DNAH12: variants seen among roughly 807,000 people sequenced by gnomAD.
DNAH12 encodes the protein dynein axonemal heavy chain 12, also known as axonemal beta dynein heavy chain 12.
Under a neutral mutation model 371.5 loss-of-function variants are expected in DNAH12, and 285 were observed. The observed-to-expected ratio is 0.77, with a 90% CI of 0.70 to 0.85. The LOEUF is 0.85. Ranked by LOEUF, DNAH12 falls within the 40% of genes least tolerant of loss-of-function variation. The pLI is 0.00. For missense variants in DNAH12, 3,611 were observed against 3,689.4 expected, an observed-to-expected ratio of 0.98 and a Z score of 0.55; for synonymous variants, 1,200 against 1,213.0, an observed-to-expected ratio of 0.99 and a Z score of 0.22.
At chr3:57,523,753 A>T in intron 3 of DNAH12, 50 bp downstream of exon 3, 1 of 1,505,506 alleles carries the variant, frequency 6.6e-7, no homozygotes, top group Non-Finnish European at 9.0e-7. Context: ...CTTAACTACA[A>T]ATTAAAATGA....
intron 11 of DNAH12, among the ~76,000 whole-genome samples, chr3:57,494,152 G>A (rs1051004077): frequency 2.0e-5 from 3 of 152,208 alleles, no homozygotes; most frequent in Admixed American, 2.0e-4. Flanking sequence ...AAGATTGCTT[G>A]AGCCAGGGAG....
chr3:57,511,068 T>C (rs1283092557), intron 4 of DNAH12, 89 bp from the exon 5 acceptor site: 3 of 911,828 alleles, frequency 3.3e-6, no homozygotes, highest in Non-Finnish European at 4.6e-6. Flanking sequence ...ACAACATTTT[T>C]TCAGATTAAA....
At chr3:57,463,065 C>T (rs1458661643) in intron 17 of DNAH12, among the ~76,000 whole-genome samples, 190 bp from the exon 18 acceptor site, 1 of 151,848 alleles carries the variant, frequency 6.6e-6, no homozygotes, top group Non-Finnish European at 1.5e-5. Context: ...CTAAAGTTCC[C>T]TGCAAAAATA....
chr3:57,412,371 G>A (rs138723899), intron 39 of DNAH12, among the ~76,000 whole-genome samples: 3 of 152,288 alleles, frequency 2.0e-5, no homozygotes, highest in African/African-American at 7.2e-5. Flanking sequence ...TAGCAAAGGA[G>A]TAAACCTAGT....
Position 57,446,169 on chromosome 3 carries a change from G to C in DNAH12, c.4041C>G (p.Cys1347Trp), listed in dbSNP as rs1206567236. The C allele has an allele frequency of 1.3e-6, 2 of 1,551,558 alleles. No individual in the cohort carries two copies. The highest frequency in any genetic ancestry group is 2.7e-5 in the African/African-American group (2 of 73,018). ...VLSVVAQQIL[C>W]IQRAIQQKLV... ...ACTTCTGTTGAATAGCTCTCTGAAT[G>C]CAAAGGATCTGTTGAGCTACCACTG... The change falls in exon 27 of 74, where the codon TGC becomes TGG. Residue 1347 changes from cysteine to tryptophan, a missense_variant. Physicochemically the swap from Cys to Trp is radical, Grantham distance 215. Around this residue, in one of 3 missense-constraint regions of DNAH12, gnomAD observed 2,266 missense variants for 2,236.9 expected, o/e 1.01. Transcript: ENST00000495027.
At chr3:57,355,010 G>A (rs1375617159) in intron 59 of DNAH12, among the ~76,000 whole-genome samples, 1 of 152,170 alleles carries the variant, frequency 6.6e-6, no homozygotes, top group African/African-American at 2.4e-5. Flanking sequence ...GCTATAAAAG[G>A]GGAACACAGA....
At chr3:57,297,835 C>G (rs543150757) in intron 70 of DNAH12, among the ~76,000 whole-genome samples, 1 of 152,132 alleles carries the variant, frequency 6.6e-6, no homozygotes, top group Non-Finnish European at 1.5e-5. Flanking sequence ...TTGGATCAGA[C>G]GTAGCATCTT....
At chr3:57,520,512 G>C (rs992916179) in intron 4 of DNAH12, among the ~76,000 whole-genome samples, 6 of 147,936 alleles carry the variant, frequency 4.1e-5, no homozygotes, top group Non-Finnish European at 5.9e-5. Context: ...GCACCATCTC[G>C]GCTCACTGCA....
rs2069429617 is a variant in DNAH12 at position 57,544,246 on chromosome 3, G to GAGAC, written c.-87_-84dup. The GAGAC allele has an allele frequency of 1.3e-5, 2 of 152,372 alleles. No individual in the cohort carries two copies. The highest frequency in any genetic ancestry group is 4.1e-4 in the South Asian group (2 of 4,828). 9.4% of individuals were successfully genotyped at this position (152,372 alleles called of 1,614,324 possible). On this transcript the variant is annotated 5_prime_UTR_variant, in exon 1 of 74. Transcript: ENST00000495027. ...GCTGCGCAGACGCCAGAGAGAGAGA[G>GAGAC]AGACAGTCAGAGCCTCTCCTCAGGT...
intron 13 of DNAH12, 31 bp from the exon 14 acceptor site, chr3:57,472,702 A>G: frequency 6.5e-7 from 1 of 1,533,602 alleles, no homozygotes. Flanking sequence ...ATAATATGTC[A>G]TATAGAAAAT....
intron 60 of DNAH12, among the ~76,000 whole-genome samples, chr3:57,351,287 CA>C: frequency 6.6e-6 from 1 of 151,902 alleles, no homozygotes; most frequent in East Asian, 1.9e-4. Context: ...AACAAACAAA[CA>C]AACAAAAAAC....
rs1266320541 is a variant in DNAH12, at chr3:57,461,656, T to A, written c.2569A>T (p.Ile857Leu). The change falls in exon 19 of 74, where the codon ATA becomes TTA. Residue 857 changes from isoleucine (I) to leucine (L), a missense_variant. Around this residue, in one of 3 missense-constraint regions of DNAH12, gnomAD observed 1,314 missense variants for 1,398.7 expected, o/e 0.94. Transcript: ENST00000495027. ...AAAGCAATATCTTCCCAAGTTCCTA[T>A]CATTGTATTCATGGCTTTCTCTAAT... is the stretch of plus-strand genomic sequence containing the variant. Reference protein sequence around the residue: ...FSLEKAMNTMIGTWEDIAFHI... With the variant: ...FSLEKAMNTMLGTWEDIAFHI... The A allele has an allele frequency of 4.5e-6, 7 of 1,551,054 alleles. No homozygotes were observed.
At chr3:57,364,728 G>A (rs2063009240) in intron 57 of DNAH12, among the ~76,000 whole-genome samples, 1 of 152,094 alleles carries the variant, frequency 6.6e-6, no homozygotes, top group South Asian at 2.1e-4. Context: ...CCTGACAAAG[G>A]TCTAATATCC....
At chr3:57,374,318 T>C (rs1297007000) in intron 55 of DNAH12, among the ~76,000 whole-genome samples, 1 of 152,166 alleles carries the variant, frequency 6.6e-6, no homozygotes, top group African/African-American at 2.4e-5. Flanking sequence ...ATCTGATAAA[T>C]CTAAGAGCTC....
chr3:57,452,642 A>G (rs1343600147), intron 25 of DNAH12, among the ~76,000 whole-genome samples: 2 of 152,218 alleles, frequency 1.3e-5, no homozygotes, highest in African/African-American at 4.8e-5. Context: ...CACAACTTTC[A>G]TACGATAAAG....
At chr3:57,364,231 A>G in intron 57 of DNAH12, among the ~76,000 whole-genome samples, 1 of 152,214 alleles carries the variant, frequency 6.6e-6, no homozygotes, top group Non-Finnish European at 1.5e-5. Context: ...AAACATTTAT[A>G]TCAAACAAAA....
intron 11 of DNAH12, among the ~76,000 whole-genome samples, chr3:57,494,881 T>C (rs1280754525): frequency 6.6e-6 from 1 of 151,900 alleles, no homozygotes; most frequent in Non-Finnish European, 1.5e-5. Context: ...TAGTGGCATA[T>C]GCCTGTATTC....
chr3:57,308,597 A>T (rs1292882695), intron 69 of DNAH12, among the ~76,000 whole-genome samples: 2 of 151,868 alleles, frequency 1.3e-5, no homozygotes, highest in Non-Finnish European at 2.9e-5. Flanking sequence ...ACTCCTATTC[A>T]CCATTCTCAA....
chr3:57,432,649 G>T (rs2064992132), intron 32 of DNAH12, among the ~76,000 whole-genome samples: 1 of 151,850 alleles, frequency 6.6e-6, no homozygotes. Flanking sequence ...CACATATATT[G>T]ATTTAAAAAA....
Sources: gnomAD v4.1 joint callset for allele counts (sites outside exome capture counted in the v4.1 genomes callset) on GRCh38, gnomAD v4.1.1 for gene constraint, gnomAD v4.1.1 regional missense constraint, MANE v1.5 for transcripts, NCBI Gene and HGNC (gene_info 2026-07-23, HGNC 2026-07-21) for gene names.